The following PAM variants were observed in gnomAD, a reference collection of about 807,000 sequenced individuals.
PAM encodes the protein peptidylglycine alpha-amidating monooxygenase, also known as peptidyl-glycine alpha-amidating monooxygenase.
Under a neutral mutation model 122.1 loss-of-function variants are expected in PAM, and 72 were observed. That is an observed-to-expected ratio of 0.59 (90% CI 0.49 to 0.72). The LOEUF is 0.72. PAM is among the 30% of genes least tolerant of loss of function. The pLI, the probability that PAM is intolerant of heterozygous loss-of-function variation, is 0.00. For synonymous variants in PAM, 389 were observed against 404.4 expected, an observed-to-expected ratio of 0.96 and a Z score of 0.46; for missense variants, 1,106 against 1,183.7, an observed-to-expected ratio of 0.93 and a Z score of 0.96.
chr5:102,899,448 T>C (rs1797072865), intron 3 of PAM, among the ~76,000 whole-genome samples: 1 of 151,652 alleles, frequency 6.6e-6, no homozygotes, highest in Non-Finnish European at 1.5e-5. Context: ...AAATCAAAGA[T>C]AGAGTAAAAT....
chr5:102,788,161 G>T (rs1462873146), intron 1 of PAM, among the ~76,000 whole-genome samples: 1 of 152,018 alleles, frequency 6.6e-6, no homozygotes, highest in Non-Finnish European at 1.5e-5. Flanking sequence ...GAGCAGATCT[G>T]AAGTAATTTT....
chr5:103,011,378 TCACACACACA>T (rs71226932), intron 21 of PAM, among the ~76,000 whole-genome samples: 1 of 148,614 alleles, frequency 6.7e-6, no homozygotes, highest in Non-Finnish European at 1.5e-5. Flanking sequence ...AAACACACAC[TCACACACACA>T]CACACACACA....
intron 1 of PAM, among the ~76,000 whole-genome samples, chr5:102,788,288 A>G (rs1761102368): frequency 6.6e-6 from 1 of 152,098 alleles, no homozygotes; most frequent in African/African-American, 2.4e-5. Context: ...AAGGGTAATT[A>G]CCCTTCATAT....
intron 5 of PAM, among the ~76,000 whole-genome samples, chr5:102,914,253 G>T (rs1802443198): frequency 6.6e-6 from 1 of 151,958 alleles, no homozygotes; most frequent in Non-Finnish European, 1.5e-5. Context: ...ATGTCTCATG[G>T]ACATAAAGAT....
chr5:103,026,127 A>G (rs1004593536), intron 24 of PAM, among the ~76,000 whole-genome samples: 1 of 152,202 alleles, frequency 6.6e-6, no homozygotes, highest in South Asian at 2.1e-4. Flanking sequence ...AATCATTATC[A>G]CAATATAGGA....
intron 20 of PAM, among the ~76,000 whole-genome samples, chr5:103,008,684 T>C (rs1295956726): frequency 1.3e-5 from 2 of 152,106 alleles, no homozygotes; most frequent in Non-Finnish European, 2.9e-5. Context: ...AGGTGATTGA[T>C]AGAGAGCAAA....
chr5:102,758,093 T>G (rs1474955376), intron 1 of PAM, among the ~76,000 whole-genome samples: 2,318 of 105,950 alleles, frequency 0.022, 128 homozygotes, highest in African/African-American at 0.078. Flanking sequence ...TTTTTTTTTT[T>G]TTTTTTTTTT....
intron 4 of PAM, among the ~76,000 whole-genome samples, chr5:102,902,181 TTTGGTCCCTTGAA>T (rs1798153138): frequency 6.6e-6 from 1 of 151,630 alleles, no homozygotes; most frequent in African/African-American, 2.4e-5. Context: ...GTAGTAGTAC[TTTGGTCCCTTGAA>T]ACTAATCTTC....
chr5:102,811,299 C>G lies in PAM; in HGVS notation c.-373-54524C>G, dbSNP rs115820387. On this transcript the variant is annotated intron_variant, in intron 1 of 25. Coordinates refer to ENST00000438793, the MANE Select transcript of PAM (RefSeq NM_001177306.2). ...CATCAAGGTGTCAGAAGGGCTACAT[C>G]TCCTTTCAGGAGGCTCTAGGGGAGA... Among the ~76,000 whole-genome samples the G allele has an allele frequency of 6.0e-3, 919 of 152,356 alleles. 12 individuals are homozygous for G. The highest frequency in any genetic ancestry group is 0.021 in the African/African-American group (863 of 41,578).
intron 1 of PAM, among the ~76,000 whole-genome samples, chr5:102,808,812 C>G (rs775690419): frequency 6.6e-6 from 1 of 152,154 alleles, no homozygotes; most frequent in African/African-American, 2.4e-5. Context: ...TTATGCCACA[C>G]TTTTATAGCT....
intron 1 of PAM, among the ~76,000 whole-genome samples, chr5:102,813,208 C>A (rs114821049): frequency 9.6e-4 from 146 of 152,154 alleles, no homozygotes; most frequent in African/African-American, 3.4e-3. Context: ...TAAAGTTTAC[C>A]TTTGAGAGAA....
intron 1 of PAM, among the ~76,000 whole-genome samples, chr5:102,766,177 G>A (rs901541405): frequency 6.6e-6 from 1 of 152,044 alleles, no homozygotes; most frequent in African/African-American, 2.4e-5. Context: ...GGACTGGGGT[G>A]GAGGAAGGTT....
At chr5:102,781,219 G>A (rs1413447258) in intron 1 of PAM, among the ~76,000 whole-genome samples, 3 of 151,906 alleles carry the variant, frequency 2.0e-5, no homozygotes, top group Non-Finnish European at 4.4e-5. Context: ...CATTTTTTTG[G>A]GTCATTTAAC....
chr5:102,851,940 T>G (rs1242510679), intron 1 of PAM, among the ~76,000 whole-genome samples: 3 of 152,238 alleles, frequency 2.0e-5, no homozygotes. Context: ...TTATCTTTTC[T>G]ATTTAACCGT....
chr5:102,780,845 C>T (rs1758747678), intron 1 of PAM, among the ~76,000 whole-genome samples: 1 of 133,238 alleles, frequency 7.5e-6, no homozygotes, highest in Admixed American at 8.0e-5. Context: ...CTCTGTCTTT[C>T]TCTCTCTCTC....
At chr5:102,903,462 C>T (rs921817625) in intron 4 of PAM, among the ~76,000 whole-genome samples, 5 of 151,412 alleles carry the variant, frequency 3.3e-5, no homozygotes, top group Non-Finnish European at 5.9e-5. Context: ...ATTCTTAGGA[C>T]GATCCTGTAT....
At chr5:103,009,201 C>CT (rs1050538449) in intron 20 of PAM, among the ~76,000 whole-genome samples, 2 of 151,946 alleles carry the variant, frequency 1.3e-5, no homozygotes, top group African/African-American at 4.8e-5. Flanking sequence ...AAAAGATGGT[C>CT]TTTTTTAATT....
intron 1 of PAM, among the ~76,000 whole-genome samples, chr5:102,839,560 G>C (rs990340700): frequency 1.4e-5 from 2 of 147,304 alleles, no homozygotes; most frequent in African/African-American, 5.0e-5. Flanking sequence ...AAAAAAAATT[G>C]TGCCAGTTAC....
At chr5:102,841,812 G>A (rs1016140148) in intron 1 of PAM, among the ~76,000 whole-genome samples, 2 of 152,054 alleles carry the variant, frequency 1.3e-5, no homozygotes, top group African/African-American at 4.8e-5. Flanking sequence ...CATAAGACAA[G>A]GGGAACTTGA....
Sources: allele counts gnomAD v4.1 joint callset (sites outside exome capture counted in the v4.1 genomes callset), GRCh38; gene constraint gnomAD v4.1.1; transcripts MANE v1.5; gene names NCBI Gene and HGNC (gene_info 2026-07-23, HGNC 2026-07-21).